FAM171A1: variants seen among roughly 807,000 people sequenced by gnomAD.
The protein encoded by FAM171A1 is family with sequence similarity 171 member A1, also known as protein FAM171A1.
In FAM171A1, 23 loss-of-function variants were observed where a neutral mutation model predicts 74.9. The observed-to-expected ratio is 0.31, with a 90% confidence interval of 0.22 to 0.44. The LOEUF is 0.44. Among genes scored for constraint, FAM171A1 ranks in the 20% least tolerant of loss-of-function variants. FAM171A1 has a pLI of 1.00. For missense variants in FAM171A1, 1,162 were observed against 1,159.2 expected (o/e 1.00, Z -0.03); for synonymous variants, 527 against 505.7 (o/e 1.04, Z -0.57).
intron 5 of FAM171A1, among the ~76,000 whole-genome samples, chr10:15,224,535 C>G (rs891452256): frequency 6.6e-6 from 1 of 152,106 alleles, no homozygotes; most frequent in South Asian, 2.1e-4. Context: ...GTAGCTCCCA[C>G]AATTCCTGTG....
intron 5 of FAM171A1, among the ~76,000 whole-genome samples, chr10:15,226,916 C>A (rs976192489): frequency 4.6e-5 from 7 of 152,308 alleles, no homozygotes; most frequent in Middle Eastern, 6.8e-3. Context: ...TATTGGGAAA[C>A]ACACAACCTT....
intron 1 of FAM171A1, among the ~76,000 whole-genome samples, chr10:15,350,649 CTTTTTT>C (rs761496484): frequency 8.0e-6 from 1 of 125,218 alleles, no homozygotes; most frequent in South Asian, 2.6e-4. Context: ...CCAATTCTCT[CTTTTTT>C]TTTTTTTGAG....
At chr10:15,266,314 T>C (rs1019216564) in intron 3 of FAM171A1, among the ~76,000 whole-genome samples, 3 of 152,152 alleles carry the variant, frequency 2.0e-5, no homozygotes, top group Non-Finnish European at 2.9e-5. Flanking sequence ...ACCCCCAAGC[T>C]GGGTGCCCAC....
At chr10:15,317,765 C>A (rs1176049607) in intron 1 of FAM171A1, among the ~76,000 whole-genome samples, 1 of 152,072 alleles carries the variant, frequency 6.6e-6, no homozygotes, top group Admixed American at 6.6e-5. Flanking sequence ...GGTCCATGCT[C>A]AATTTTATTT....
chr10:15,238,529 C>T lies in FAM171A1; in HGVS notation c.754+10110G>A, dbSNP rs573283849. 2.0e-5 allele frequency among the ~76,000 whole-genome samples: 3 copies of T among 151,216 alleles called. No homozygotes were observed. In the South Asian group the frequency reaches 6.3e-4, roughly 32 times the overall value. ...CACTCTTTGCCGCCCTTCCCCCCCA[C>T]CCCCAATTAAAAACCCAATGAACCT... On this transcript the variant is annotated intron_variant, in intron 5 of 7. Coordinates refer to ENST00000378116, the MANE Select transcript of FAM171A1 (RefSeq NM_001010924.2).
At chr10:15,305,103 T>C (rs1178031556) in intron 1 of FAM171A1, among the ~76,000 whole-genome samples, 1 of 152,146 alleles carries the variant, frequency 6.6e-6, no homozygotes, top group African/African-American at 2.4e-5. Flanking sequence ...ACCTGAATAA[T>C]AATAAAACTT....
intron 1 of FAM171A1, among the ~76,000 whole-genome samples, chr10:15,357,574 T>C (rs1328350241): frequency 6.6e-6 from 1 of 152,190 alleles, no homozygotes; most frequent in Admixed American, 6.6e-5. Flanking sequence ...GGTTAGCACT[T>C]AATATTTGTG....
chr10:15,244,106 G>A (rs1046425665), intron 5 of FAM171A1, among the ~76,000 whole-genome samples: 1 of 152,140 alleles, frequency 6.6e-6, no homozygotes, highest in African/African-American at 2.4e-5. Flanking sequence ...GTCATCCCAC[G>A]ACTGTGGGAA....
intron 1 of FAM171A1, among the ~76,000 whole-genome samples, chr10:15,370,240 CTTT>C (rs34087157): frequency 7.2e-5 from 8 of 110,848 alleles, no homozygotes; most frequent in Non-Finnish European, 7.4e-5. Context: ...AAGGATTTTT[CTTT>C]TTTTTTTTTT....
Position 15,279,007 on chromosome 10 carries a change from T to C in FAM171A1, c.326-3060A>G, listed in dbSNP as rs190998403. On this transcript the variant is annotated intron_variant, in intron 2 of 7. Coordinates refer to ENST00000378116, the MANE Select transcript of FAM171A1 (RefSeq NM_001010924.2). ...AAACCCGGGCTAGGGTTACACTCCA[T>C]GCCCTCCTAAACGAGGATGCCTGGG... is the stretch of plus-strand genomic sequence containing the variant. 5.3e-5 allele frequency among the ~76,000 whole-genome samples: 8 copies of C among 152,262 alleles called. No individual in the cohort carries two copies. The South Asian group carries it at 1.7e-3, about 32-fold the overall frequency.
At chr10:15,316,439 G>A (rs78894883) in intron 1 of FAM171A1, among the ~76,000 whole-genome samples, 265 of 152,300 alleles carry the variant, frequency 1.7e-3, no homozygotes, top group African/African-American at 6.2e-3. Flanking sequence ...GACGGGCTTC[G>A]TGAGACCCTG....
chr10:15,287,528 C>T (rs1357017441), intron 1 of FAM171A1, among the ~76,000 whole-genome samples: 1 of 151,968 alleles, frequency 6.6e-6, no homozygotes, highest in African/African-American at 2.4e-5. Flanking sequence ...GCTGGGACTA[C>T]AGGCGCCTGC....
chr10:15,365,300 G>A (rs1836045924), intron 1 of FAM171A1, among the ~76,000 whole-genome samples: 1 of 152,174 alleles, frequency 6.6e-6, no homozygotes, highest in African/African-American at 2.4e-5. Context: ...GCAGAAGGAA[G>A]GACAAAGAGT....
chr10:15,213,263 T>C lies in FAM171A1; in HGVS notation c.2325A>G (p.Lys775=). ...NYPPVQEHQQ[K]EPRAPDSTAY... is the part of the protein sequence containing the mutation. The stretch of plus-strand genomic sequence containing the variant: ...CCGTGCTGTCTGGGGCTCGAGGCTC[T>C]TTCTGCTGGTGCTCTTGGACGGGCG... Residue 775 remains lysine, a synonymous_variant, in exon 8 of 8, where the codon AAA becomes AAG. Coordinates refer to ENST00000378116, the MANE Select transcript of FAM171A1 (RefSeq NM_001010924.2). This position sits in a 1 kb window ranked among gnomAD's most constrained non-coding sequence, Gnocchi z 6.8. The C allele has an allele frequency of 6.2e-7, 1 of 1,614,090 alleles. No individual in the cohort carries two copies. Among genetic ancestry groups the C allele is most frequent in the Non-Finnish European group, 8.5e-7 (1 of 1,180,016 alleles).
chr10:15,304,578 A>T (rs1835271464), intron 1 of FAM171A1, among the ~76,000 whole-genome samples: 1 of 151,134 alleles, frequency 6.6e-6, no homozygotes, highest in Non-Finnish European at 1.5e-5. Context: ...TCCTGAAAAA[A>T]CCTCAATAAA....
chr10:15,225,552 C>G (rs575366150), intron 5 of FAM171A1, among the ~76,000 whole-genome samples: 15 of 152,166 alleles, frequency 9.9e-5, no homozygotes, highest in Admixed American at 1.3e-4. Context: ...CTTCTCATGG[C>G]GGAATCCTGA....
Position 15,367,640 on chromosome 10 carries a change from G to A in FAM171A1, c.97+3316C>T, listed in dbSNP as rs185206325. Among the ~76,000 whole-genome samples the A allele has an allele frequency of 3.7e-3, 565 of 152,318 alleles. 1 individual carries two copies. Among genetic ancestry groups the A allele is most frequent in the African/African-American group, 0.013 (541 of 41,566 alleles). Reference sequence around the variant, plus strand: ...AACAGATCCCAGTGTTCTAATAACTGAAGTTTGAGTTTGGCAAAGAATAGA... The same window carrying A: ...AACAGATCCCAGTGTTCTAATAACTAAAGTTTGAGTTTGGCAAAGAATAGA... On this transcript the variant is annotated intron_variant, in intron 1 of 7. Transcript: ENST00000378116.
intron 4 of FAM171A1, 119 bp downstream of exon 4, chr10:15,254,602 T>C: frequency 9.0e-7 from 1 of 1,113,918 alleles, no homozygotes; most frequent in East Asian, 2.5e-5. Flanking sequence ...AGAATTCCCC[T>C]TCTGCACCTT....
intron 1 of FAM171A1, among the ~76,000 whole-genome samples, chr10:15,301,799 C>A (rs985293727): frequency 2.6e-5 from 4 of 152,142 alleles, no homozygotes; most frequent in Non-Finnish European, 5.9e-5. Flanking sequence ...GTGTCTCCAC[C>A]AACTTCTATC....
Sources: gnomAD v4.1 joint callset for allele counts (sites outside exome capture counted in the v4.1 genomes callset) on GRCh38, gnomAD v4.1.1 for gene constraint, Gnocchi (gnomAD v3.1) non-coding constraint, MANE v1.5 for transcripts, NCBI Gene and HGNC (gene_info 2026-07-23, HGNC 2026-07-21) for gene names.